Variants in PHF8 observed in about 807,000 individuals in gnomAD.
PHF8 encodes histone lysine demethylase PHF8.
Under a neutral mutation model 74.4 loss-of-function variants are expected in PHF8, and 9 were observed. The observed-to-expected ratio is 0.12, with a 90% CI of 0.07 to 0.21. PHF8 has a LOEUF of 0.21. Ranked by LOEUF, PHF8 falls within the 10% of genes least tolerant of loss-of-function variation. PHF8 has a pLI of 1.00. For missense variants in PHF8, 478 were observed against 816.6 expected (o/e 0.59, Z 5.05); for synonymous variants, 311 against 316.6 (o/e 0.98, Z 0.19).
upstream of PHF8, among the ~76,000 whole-genome samples, chrX:54,045,913 C>T (rs1390675449): frequency 1.9e-5 from 2 of 104,478 alleles, no homozygotes; most frequent in African/African-American, 6.8e-5. Flanking sequence ...AGCTTAGTCT[C>T]ATATTTGTGA....
At chrX:54,040,368 A>T (rs1279651918) in intron 2 of PHF8, among the ~76,000 whole-genome samples, 1 of 112,225 alleles carries the variant, frequency 8.9e-6, no homozygotes, top group Non-Finnish European at 1.9e-5. Flanking sequence ...CATCTATTAC[A>T]TGTTTAGCAC....
At chrX:54,008,371 C>CAAAA (rs34539175) in intron 8 of PHF8, among the ~76,000 whole-genome samples, 4 of 36,221 alleles carry the variant, frequency 1.1e-4, no homozygotes, top group African/African-American at 2.4e-4. Context: ...AATACTCCGT[C>CAAAA]AAAAAAAAAA....
At chrX:53,963,049 A>G in intron 18 of PHF8, 110 bp from the exon 19 acceptor site, 1 of 544,768 alleles carries the variant, frequency 1.8e-6, no homozygotes, top group Non-Finnish European at 3.3e-6. Context: ...CCTTTTACTT[A>G]ATCCATACTC....
At chrX:53,976,302 C>T (rs186251692) in intron 18 of PHF8, among the ~76,000 whole-genome samples, 81 of 106,442 alleles carry the variant, frequency 7.6e-4, no homozygotes, top group Admixed American at 1.0e-3. Flanking sequence ...AAGACTCTGT[C>T]TCAAAAAAAT....
rs1418040063 is a variant in PHF8, at chrX:53,987,684, G to A, written c.1909+82C>T. The A allele has an allele frequency of 4.6e-5, 41 of 883,690 alleles. 1 individual carries two copies. Among genetic ancestry groups the A allele is most frequent in the Admixed American group, 5.3e-5 (2 of 38,060 alleles). 72.8% of individuals were successfully genotyped at this position (883,690 alleles called of 1,213,427 possible). A position where few individuals can be genotyped will look rare whatever the true frequency, so the allele number is the denominator to read the frequency against. ...AGATCGTGCCATTGCACTCCAGCCT[G>A]GGCAACAAGAGCAAAACTCCGTCTC... is the stretch of plus-strand genomic sequence containing the variant. On this transcript the variant is annotated intron_variant, in intron 15 of 21. Coordinates refer to ENST00000338154, the MANE Select transcript of PHF8 (RefSeq NM_015107.3).
intron 18 of PHF8, among the ~76,000 whole-genome samples, chrX:53,976,963 AAAAT>A (rs782428077): frequency 8.9e-6 from 1 of 112,228 alleles, no homozygotes; most frequent in Non-Finnish European, 1.9e-5. Flanking sequence ...CTAGTCTTAA[AAAAT>A]AAATAAATAA....
At chrX:54,001,919 A>C (rs1557104310) in intron 10 of PHF8, among the ~76,000 whole-genome samples, 1 of 111,434 alleles carries the variant, frequency 9.0e-6, no homozygotes, top group Non-Finnish European at 1.9e-5. Flanking sequence ...CTATCTCAAA[A>C]AAGAAGGGGC....
chrX:53,955,560 T>TTC (rs1557088458), intron 19 of PHF8, among the ~76,000 whole-genome samples: 4 of 101,684 alleles, frequency 3.9e-5, no homozygotes, highest in African/African-American at 1.4e-4. Context: ...TTCTTTTCTT[T>TTC]TTTTTTTTTT....
At chrX:53,940,628 C>T in intron 20 of PHF8, 112 bp from the exon 21 acceptor site, 1 of 542,850 alleles carries the variant, frequency 1.8e-6, no homozygotes. Flanking sequence ...CCACCCTCTC[C>T]CTTACCTGCA....
chrX:53,943,284 A>G (rs2064780074), intron 20 of PHF8: 2 of 919,716 alleles, frequency 2.2e-6, no homozygotes, highest in Admixed American at 6.1e-5. Flanking sequence ...CTACATAAGC[A>G]TTTATTTAAA....
chrX:53,970,677 A>C (rs1557094305), intron 18 of PHF8, among the ~76,000 whole-genome samples: 1 of 111,420 alleles, frequency 9.0e-6, no homozygotes, highest in African/African-American at 3.3e-5. Flanking sequence ...AAAAACAGAA[A>C]ACAGCAGGGG....
intron 18 of PHF8, among the ~76,000 whole-genome samples, chrX:53,977,444 A>C (rs1438853145): frequency 1.8e-5 from 2 of 112,293 alleles, no homozygotes; most frequent in African/African-American, 6.5e-5. Flanking sequence ...AAAAGAGGAT[A>C]TATGAATGGC....
chrX:54,038,339 G>T (rs1452970123), intron 2 of PHF8, among the ~76,000 whole-genome samples: 2 of 112,244 alleles, frequency 1.8e-5, no homozygotes, highest in African/African-American at 3.2e-5. Flanking sequence ...CAAAAAAAGA[G>T]AATGACTGGT....
At position 53,985,247 on chromosome X, in the gene PHF8, A is replaced by C. The variant is rs781811894; in HGVS notation, c.2130-20T>G. On this transcript the variant is annotated intron_variant, in intron 17 of 21. Transcript: ENST00000338154. ...GCCTCGCTGCAAGGAACAGAGGAGA[A>C]ATACTGAGAGAGTTGTTTTTAGCTG... 5 of 1,146,040 alleles carry C rather than the reference A, an allele frequency of 4.4e-6. No individual in the cohort carries two copies. The South Asian group carries it at 9.5e-5, about 22-fold the overall frequency. The allele number at this position is 1,146,040 out of a possible 1,213,427, so 94.4% of individuals were successfully genotyped here.
At position 53,992,749 on chromosome X, in the gene PHF8, T is replaced by A. The variant is rs781792100; in HGVS notation, c.1717A>T (p.Met573Leu). The A allele has an allele frequency of 4.2e-6, 5 of 1,181,290 alleles. No individual in the cohort carries two copies. Among genetic ancestry groups the A allele is most frequent in the Non-Finnish European group, 5.8e-6 (5 of 869,146 alleles). ...DGNESPLALL[M>L]SNGSTKRVKS... ...TTCCCACCTCACCTGCCGTTAGACA[T>A]CAATAGGGCCAATGGGCTCTCATTT... The change falls in exon 14 of 22, where the codon ATG becomes TTG. Residue 573 changes from methionine (M) to leucine (L), a missense_variant. Coordinates refer to ENST00000338154, the MANE Select transcript of PHF8 (RefSeq NM_015107.3).
chrX:53,938,568 C>T lies in PHF8; in HGVS notation c.*590G>A. On this transcript the variant is annotated 3_prime_UTR_variant, in exon 22 of 22. Transcript: ENST00000338154. ...TTCTAGGCCACTTCTGGAAATGGCC[C>T]ACAGTGGGGCAGGAAGGAGGCTCTA... is the stretch of plus-strand genomic sequence containing the variant. 1 of 756,526 alleles carries T rather than the reference C, an allele frequency of 1.3e-6. No homozygotes were observed. Among genetic ancestry groups the T allele is most frequent in the Non-Finnish European group, 1.6e-6 (1 of 640,438 alleles). The allele number at this position is 756,526 out of a possible 1,213,427, so 62.3% of individuals were successfully genotyped here.
In PHF8 at chrX:54,044,361, G is replaced by T. The variant is rs1044598178; in HGVS notation, c.-692C>A. On this transcript the variant is annotated 5_prime_UTR_variant, in exon 1 of 22. Coordinates refer to ENST00000338154, the MANE Select transcript of PHF8 (RefSeq NM_015107.3). ...AAAGTTTATTCAAAACAATGAGGAA[G>T]TTGAGGCGGAGAGGGGAGGAGAAAT... 7.9e-5 allele frequency: 59 copies of T among 750,260 alleles called. No individual in the cohort carries two copies. The highest frequency in any genetic ancestry group is 9.0e-5 in the Non-Finnish European group (57 of 635,700). 61.8% of individuals were successfully genotyped at this position (750,260 alleles called of 1,213,427 possible). A position where few individuals can be genotyped will look rare whatever the true frequency, so the allele number is the denominator to read the frequency against.
intron 19 of PHF8, among the ~76,000 whole-genome samples, chrX:53,946,299 A>G (rs2064831440): frequency 8.9e-6 from 1 of 112,731 alleles, no homozygotes; most frequent in Non-Finnish European, 1.9e-5. Flanking sequence ...ACTGTCACTA[A>G]TAGTGAGAAA....
At chrX:54,005,958 T>C (rs1331123089) in intron 8 of PHF8, among the ~76,000 whole-genome samples, 2 of 112,046 alleles carry the variant, frequency 1.8e-5, no homozygotes, top group African/African-American at 3.2e-5. Flanking sequence ...TACCATAGAA[T>C]TTCCTTCTCT....
Sources: gnomAD v4.1 joint callset for allele counts (sites outside exome capture counted in the v4.1 genomes callset) on GRCh38, gnomAD v4.1.1 for gene constraint, MANE v1.5 for transcripts, NCBI Gene and HGNC (gene_info 2026-07-23, HGNC 2026-07-21) for gene names.